The following TSPEAR variants were observed in gnomAD, a reference collection of about 807,000 sequenced individuals.
The protein encoded by TSPEAR is thrombospondin-type laminin G domain and EAR repeat-containing protein.
In TSPEAR, 69 loss-of-function variants were observed where a neutral mutation model predicts 71.6. The observed-to-expected ratio is 0.96, with a 90% CI of 0.79 to 1.18. The LOEUF is 1.18. Among genes scored for constraint, TSPEAR ranks in the 50% most tolerant of loss-of-function variants. The pLI, the probability that TSPEAR is intolerant of heterozygous loss-of-function variation, is 0.00. For synonymous variants in TSPEAR, 402 were observed against 387.2 expected (o/e 1.04, Z -0.45); for missense variants, 971 against 894.9 (o/e 1.09, Z -1.09).
At chr21:44,682,491 C>T (rs908184001) in intron 1 of TSPEAR, among the ~76,000 whole-genome samples, 1 of 152,166 alleles carries the variant, frequency 6.6e-6, no homozygotes, top group African/African-American at 2.4e-5. Flanking sequence ...CTCCTCGAAC[C>T]GCAACTTCTG....
intron 9 of TSPEAR, among the ~76,000 whole-genome samples, chr21:44,511,624 C>T (rs1250700131): frequency 6.6e-6 from 1 of 152,268 alleles, no homozygotes; most frequent in East Asian, 1.9e-4. Context: ...CATGCACCCA[C>T]ACAGCACAGC....
At chr21:44,577,223 C>A (rs1190303891) in intron 1 of TSPEAR, among the ~76,000 whole-genome samples, 3 of 152,118 alleles carry the variant, frequency 2.0e-5, no homozygotes, top group Non-Finnish European at 4.4e-5. Flanking sequence ...GCTTAAGAAG[C>A]TAAAGAAGCA....
rs1458487855 is a variant in TSPEAR at position 44,533,806 on chromosome 21, A to G, written c.421T>C (p.Trp141Arg). 1.9e-6 allele frequency: 3 copies of G among 1,612,520 alleles called. No individual in the cohort carries two copies. In the East Asian group the frequency reaches 6.7e-5, roughly 36 times the overall value. Residue 141 changes from tryptophan (W) to arginine (R), a missense_variant, in exon 3 of 12, where the codon TGG becomes CGG. Transcript: ENST00000323084. ...LFLREDTAGAWQTRVSFRSPA... is the reference protein window; with the variant it reads ...LFLREDTAGARQTRVSFRSPA... ...CTGCGGAAGGACACTCGGGTCTGCCAGGCGCCGGCCGTGTCCTCGCGAAGG... is the reference window on the plus strand; with the variant it reads ...CTGCGGAAGGACACTCGGGTCTGCCGGGCGCCGGCCGTGTCCTCGCGAAGG...
chr21:44,621,811 A>AT (rs1242061330), intron 1 of TSPEAR, among the ~76,000 whole-genome samples: 3 of 152,070 alleles, frequency 2.0e-5, no homozygotes, highest in East Asian at 1.9e-4. Context: ...GGATATTTGT[A>AT]TTTTTGTTCC....
chr21:44,503,352 C>T (rs1555911420), intron 11 of TSPEAR, among the ~76,000 whole-genome samples: 6 of 136,238 alleles, frequency 4.4e-5, no homozygotes, highest in African/African-American at 5.5e-5. Context: ...GGAAGCAAGG[C>T]TCTGGGAGGA....
At chr21:44,529,442 G>T (rs902462512) in intron 5 of TSPEAR, among the ~76,000 whole-genome samples, 1 of 152,190 alleles carries the variant, frequency 6.6e-6, no homozygotes. Flanking sequence ...TGGCCCAAAC[G>T]CTGTCCTTGG....
At chr21:44,634,549 C>T (rs1056086445) in intron 1 of TSPEAR, among the ~76,000 whole-genome samples, 2 of 152,114 alleles carry the variant, frequency 1.3e-5, no homozygotes, top group Non-Finnish European at 2.9e-5. Flanking sequence ...TAAAACAACC[C>T]ACACAAGGGA....
At chr21:44,575,245 C>T (rs1470185181) in intron 1 of TSPEAR, 5 of 588,094 alleles carry the variant, frequency 8.5e-6, no homozygotes, top group Non-Finnish European at 1.5e-5. Context: ...CCATATCTCC[C>T]ACCTCTCATG....
intron 1 of TSPEAR, among the ~76,000 whole-genome samples, chr21:44,596,116 A>T (rs1253639702): frequency 1.3e-5 from 2 of 152,154 alleles, no homozygotes; most frequent in Non-Finnish European, 2.9e-5. Flanking sequence ...AGCTCATGTG[A>T]TTGTTGGCAG....
At position 44,506,154 on chromosome 21, in the gene TSPEAR, A is replaced by AT. The variant is rs1555911888; in HGVS notation, c.1755-1274dup. Among the ~76,000 whole-genome samples the AT allele has an allele frequency of 6.6e-6, 1 of 152,160 alleles. No homozygotes were observed. Among genetic ancestry groups the AT allele is most frequent in the Non-Finnish European group, 1.5e-5 (1 of 68,000 alleles). On this transcript the variant is annotated intron_variant, in intron 10 of 11. Coordinates refer to ENST00000323084, the MANE Select transcript of TSPEAR (RefSeq NM_144991.3). The surrounding 1 kb of genome is among the most constrained non-coding windows in gnomAD (Gnocchi z 4.2). ...AGAAGCTGTTTCTTGTTGCAAACAA[A>AT]TTTGCTGTGTCCTGTCTTAGGAGTC...
At chr21:44,628,242 C>T (rs1555935027) in intron 1 of TSPEAR, 1 of 598,340 alleles carries the variant, frequency 1.7e-6, no homozygotes. Context: ...GCCCTGGCTT[C>T]TCCTCACGGT....
At chr21:44,529,421 G>A (rs1316601067) in intron 5 of TSPEAR, among the ~76,000 whole-genome samples, 1 of 152,210 alleles carries the variant, frequency 6.6e-6, no homozygotes, top group African/African-American at 2.4e-5. Flanking sequence ...CAGAGGCGGG[G>A]TGGGGAGAAA....
At chr21:44,651,889 TG>T (rs1267180373) in intron 1 of TSPEAR, among the ~76,000 whole-genome samples, 6 of 152,188 alleles carry the variant, frequency 3.9e-5, no homozygotes, top group African/African-American at 1.4e-4. Context: ...AAAGTTAGTT[TG>T]CTTCAGAAGT....
intron 1 of TSPEAR, among the ~76,000 whole-genome samples, chr21:44,616,496 G>GTCCC (rs149368255): frequency 0.025 from 3,759 of 152,114 alleles, 149 homozygotes; most frequent in African/African-American, 0.086. Context: ...TGGTTCCCCA[G>GTCCC]TCCCTCACCA....
In TSPEAR at chr21:44,582,600, TG is replaced by T. The variant is rs1979057976; in HGVS notation, c.83-14596del. 3.9e-5 allele frequency among the ~76,000 whole-genome samples: 6 copies of T among 152,322 alleles called. No individual in the cohort carries two copies. The South Asian group carries it at 1.2e-3, about 32-fold the overall frequency. On this transcript the variant is annotated intron_variant, in intron 1 of 11. Coordinates refer to ENST00000323084, the MANE Select transcript of TSPEAR (RefSeq NM_144991.3). ...TCTGTCGCTCCCTTCTCCTGGTGTCTGGACCACCCATCACTGTCCAAAGTGT... is the reference window on the plus strand; with the variant it reads ...TCTGTCGCTCCCTTCTCCTGGTGTCTGACCACCCATCACTGTCCAAAGTGT...
chr21:44,704,382 T>C (rs1555951985), intron 1 of TSPEAR, among the ~76,000 whole-genome samples: 1 of 152,140 alleles, frequency 6.6e-6, no homozygotes, highest in Non-Finnish European at 1.5e-5. Flanking sequence ...TCTGTGACAT[T>C]ATCAGCCTCC....
intron 9 of TSPEAR, among the ~76,000 whole-genome samples, chr21:44,521,228 G>C (rs587771213): frequency 1.6e-3 from 245 of 152,334 alleles, no homozygotes; most frequent in Non-Finnish European, 2.7e-3. Context: ...GGCTGAGCCC[G>C]AGGTGGGAGA....
intron 1 of TSPEAR, among the ~76,000 whole-genome samples, chr21:44,628,649 G>A (rs1983057194): frequency 1.3e-5 from 2 of 151,932 alleles, no homozygotes; most frequent in Admixed American, 1.3e-4. Context: ...CACTCACTGT[G>A]GGTAGAAGCA....
At chr21:44,507,653 C>T (rs1224154852) in intron 10 of TSPEAR, among the ~76,000 whole-genome samples, 2 of 152,244 alleles carry the variant, frequency 1.3e-5, no homozygotes, top group East Asian at 1.9e-4. Flanking sequence ...TTTCAAATCC[C>T]GAGGCGTCTG....
Sources: allele counts gnomAD v4.1 joint callset (sites outside exome capture counted in the v4.1 genomes callset), GRCh38; gene constraint gnomAD v4.1.1; non-coding constraint Gnocchi (gnomAD v3.1); transcripts MANE v1.5; gene names NCBI Gene and HGNC (gene_info 2026-07-23, HGNC 2026-07-21).